Variants in SORCS2 observed in about 807,000 individuals in gnomAD.
The protein encoded by SORCS2 is VPS10 domain-containing receptor SorCS2.
In SORCS2, 100 loss-of-function variants were observed where a neutral mutation model predicts 141.6. The ratio of observed to expected loss-of-function variants is 0.71; its 90% CI spans 0.60 to 0.83. The LOEUF is 0.83. Ranked by LOEUF, SORCS2 falls within the 40% of genes least tolerant of loss-of-function variation. SORCS2 has a pLI of 0.00. For synonymous variants in SORCS2, 789 were observed against 676.9 expected (o/e 1.17, Z -2.57); for missense variants, 1,646 against 1,560.2 (o/e 1.05, Z -0.93).
chr4:7,738,874 G>A (rs754580675), intron 26 of SORCS2, among the ~76,000 whole-genome samples: 34 of 152,242 alleles, frequency 2.2e-4, no homozygotes, highest in Non-Finnish European at 3.2e-4. Context: ...CCTCCCCTGC[G>A]CGCTCTCCAG....
At chr4:7,295,408 G>C (rs942760211) in intron 1 of SORCS2, among the ~76,000 whole-genome samples, 17 of 152,020 alleles carry the variant, frequency 1.1e-4, no homozygotes, top group African/African-American at 3.9e-4. Flanking sequence ...GTTGCTACTG[G>C]GCTTTGTCCA....
intron 21 of SORCS2, 136 bp downstream of exon 21, chr4:7,727,039 G>C: frequency 8.7e-7 from 1 of 1,147,778 alleles, no homozygotes; most frequent in Admixed American, 2.8e-5. Context: ...GGAGGGGCTG[G>C]ATAAACAGAG....
At chr4:7,501,528 G>A (rs966397070) in intron 2 of SORCS2, among the ~76,000 whole-genome samples, 2 of 151,848 alleles carry the variant, frequency 1.3e-5, no homozygotes, top group Non-Finnish European at 2.9e-5. Context: ...TAACAGAATG[G>A]GCCTCCCTCA....
At chr4:7,576,490 T>C (rs758866936) in intron 3 of SORCS2, among the ~76,000 whole-genome samples, 38 of 152,170 alleles carry the variant, frequency 2.5e-4, no homozygotes, top group Non-Finnish European at 4.7e-4. Context: ...CCTGTGGGAC[T>C]GAGAAGGGGT....
chr4:7,569,631 G>A (rs980775101), intron 3 of SORCS2, among the ~76,000 whole-genome samples: 1 of 152,216 alleles, frequency 6.6e-6, no homozygotes, highest in African/African-American at 2.4e-5. Flanking sequence ...TGGAGGGCAC[G>A]GGTGCAGATG....
At chr4:7,621,463 T>TTG (rs900217954) in intron 3 of SORCS2, among the ~76,000 whole-genome samples, 1 of 149,216 alleles carries the variant, frequency 6.7e-6, no homozygotes, top group African/African-American at 2.5e-5. Flanking sequence ...GTGTGAGTGT[T>TTG]TATGTGTGTG....
rs1374242865 is a variant in SORCS2, at chr4:7,726,859, G to A, written c.2825G>A (p.Cys942Tyr). 1.9e-6 allele frequency: 3 copies of A among 1,613,922 alleles called. No individual in the cohort carries two copies. Among genetic ancestry groups the A allele is most frequent in the Admixed American group, 3.3e-5 (2 of 60,030 alleles). The change falls in exon 21 of 27, where the codon TGT becomes TAT. Residue 942 changes from cysteine to tyrosine, a missense_variant. Cys to Tyr is a radical substitution (Grantham distance 194). Coordinates refer to ENST00000507866, the MANE Select transcript of SORCS2 (RefSeq NM_020777.3). Reference sequence around the variant, plus strand: ...GTGCGTGTGACGGTGCAGGCCGCCTGTGGGAACTCGGTGCTGCAGGACTCC... The same window carrying A: ...GTGCGTGTGACGGTGCAGGCCGCCTATGGGAACTCGGTGCTGCAGGACTCC... ...GDVRVTVQAA[C>Y]GNSVLQDSRV...
chr4:7,419,701 G>GT (rs1553859693), intron 2 of SORCS2, among the ~76,000 whole-genome samples: 2 of 151,610 alleles, frequency 1.3e-5, no homozygotes, highest in Non-Finnish European at 2.9e-5. Flanking sequence ...AGATTGGCAA[G>GT]CCGTCTCAGA....
chr4:7,657,569 G>A (rs1463267058), intron 5 of SORCS2, among the ~76,000 whole-genome samples: 2 of 152,158 alleles, frequency 1.3e-5, no homozygotes, highest in East Asian at 1.9e-4. Context: ...GAGTGAGCAA[G>A]TAACTGACTG....
chr4:7,644,427 A>G (rs554530244), intron 4 of SORCS2, among the ~76,000 whole-genome samples: 55 of 152,328 alleles, frequency 3.6e-4, no homozygotes, highest in African/African-American at 1.2e-3. Flanking sequence ...GGCAGCAGAC[A>G]TGGCCCAGTG....
At chr4:7,275,368 T>G (rs1715434873) in intron 1 of SORCS2, among the ~76,000 whole-genome samples, 1 of 152,210 alleles carries the variant, frequency 6.6e-6, no homozygotes, top group South Asian at 2.1e-4. Context: ...CAAATAAACC[T>G]GAGCAATCAA....
At chr4:7,406,019 C>T (rs1320316576) in intron 2 of SORCS2, among the ~76,000 whole-genome samples, 1 of 151,818 alleles carries the variant, frequency 6.6e-6, no homozygotes, top group Non-Finnish European at 1.5e-5. Flanking sequence ...TCCTTCTTTG[C>T]CTAGTTTGTA....
At chr4:7,640,752 C>T (rs955364687) in intron 4 of SORCS2, among the ~76,000 whole-genome samples, 7 of 152,080 alleles carry the variant, frequency 4.6e-5, no homozygotes, top group African/African-American at 1.4e-4. Context: ...CTCTGCCCAA[C>T]AGGAGGTGTG....
chr4:7,720,543 C>T (rs1047454699), intron 18 of SORCS2, among the ~76,000 whole-genome samples: 1 of 152,180 alleles, frequency 6.6e-6, no homozygotes, highest in African/African-American at 2.4e-5. Flanking sequence ...CTCTGTGAAA[C>T]ACCCATGTTA....
At chr4:7,386,431 A>G (rs754186453) in intron 1 of SORCS2, among the ~76,000 whole-genome samples, 1 of 110,452 alleles carries the variant, frequency 9.1e-6, no homozygotes, top group African/African-American at 3.7e-5. Context: ...GCACACACAT[A>G]CAGGTACACA....
chr4:7,668,930 G>T (rs1722649629), intron 8 of SORCS2, among the ~76,000 whole-genome samples: 1 of 152,134 alleles, frequency 6.6e-6, no homozygotes, highest in Non-Finnish European at 1.5e-5. Context: ...AGCATTGGAG[G>T]CTGGGGTAGC....
At chr4:7,657,673 T>G (rs1721872139) in intron 5 of SORCS2, among the ~76,000 whole-genome samples, 1 of 150,894 alleles carries the variant, frequency 6.6e-6, no homozygotes, top group African/African-American at 2.4e-5. Flanking sequence ...GAGTAATTAG[T>G]GAATGAGTGA....
intron 1 of SORCS2, among the ~76,000 whole-genome samples, chr4:7,359,053 C>T (rs1186063520): frequency 1.3e-5 from 2 of 152,148 alleles, no homozygotes; most frequent in Admixed American, 1.3e-4. Context: ...CCTAGTACTT[C>T]GGGAGGCCGA....
chr4:7,430,532 A>G (rs1458652046), intron 2 of SORCS2: 1 of 152,218 alleles, frequency 6.6e-6, no homozygotes, highest in East Asian at 1.9e-4. Flanking sequence ...CCGCCTTACG[A>G]TGGCATCTGA....
Sources: gnomAD v4.1 joint callset for allele counts (sites outside exome capture counted in the v4.1 genomes callset) on GRCh38, gnomAD v4.1.1 for gene constraint, MANE v1.5 for transcripts, NCBI Gene and HGNC (gene_info 2026-07-23, HGNC 2026-07-21) for gene names.